The following TG variants were observed in gnomAD, a reference collection of about 807,000 sequenced individuals.
TG encodes thyroid hormones.
TG carries 270 observed loss-of-function variants against 324.7 expected under a neutral mutation model. The observed-to-expected ratio is 0.83, with a 90% CI of 0.75 to 0.92. The LOEUF is 0.92. Ranked by LOEUF, TG falls within the 40% of genes least tolerant of loss-of-function variation. The pLI is 0.00. For missense variants in TG, 3,591 were observed against 3,456.4 expected (o/e 1.04, Z -0.98); for synonymous variants, 1,401 against 1,327.0 (o/e 1.06, Z -1.21).
chr8:133,095,205 C>A lies in TG; in HGVS notation c.7401C>A (p.Thr2467=). The A allele has an allele frequency of 6.2e-7, 1 of 1,614,190 alleles. No individual in the cohort carries two copies. Among genetic ancestry groups the A allele is most frequent in the Non-Finnish European group, 8.5e-7 (1 of 1,180,014 alleles). ...CCAATGTCCTCAATGATGCCCAGAC[C>A]AAGGTGAGCACTTAAGTGCAAGTTG... The part of the protein sequence containing the change: ...KPANVLNDAQ[T]KLLAVSGPFH... The change falls in exon 42 of 48, where the codon ACC becomes ACA. Residue 2467 remains threonine (T), a synonymous_variant. Coordinates refer to ENST00000220616, the MANE Select transcript of TG (RefSeq NM_003235.5).
chr8:132,924,787 G>T (rs953422207), intron 22 of TG, among the ~76,000 whole-genome samples: 1 of 152,174 alleles, frequency 6.6e-6, no homozygotes, highest in African/African-American at 2.4e-5. Context: ...AGTTTCCCCC[G>T]TTGTAAGAGT....
rs578089248 is a variant in TG, at chr8:133,004,064, C to G, written c.6263-7837C>G. ...ATAGATAGTAGCACTCATTGCTAGT[C>G]TATCTGGTCACAGAGGAAAGAGGCT... On this transcript the variant is annotated intron_variant, in intron 35 of 47. Transcript: ENST00000220616. Among the ~76,000 whole-genome samples, 171 of 152,326 alleles carry G rather than the reference C, an allele frequency of 1.1e-3. 1 individual carries two copies. Among genetic ancestry groups the G allele is most frequent in the Non-Finnish European group, 2.2e-3 (149 of 68,032 alleles).
intron 16 of TG, among the ~76,000 whole-genome samples, chr8:132,903,832 T>C (rs1417118563): frequency 6.6e-6 from 1 of 152,250 alleles, no homozygotes; most frequent in Non-Finnish European, 1.5e-5. Context: ...TGGATGTCAG[T>C]GTCTCAATCT....
chr8:132,899,464 G>T (rs1587314390), intron 14 of TG, among the ~76,000 whole-genome samples: 1 of 152,180 alleles, frequency 6.6e-6, no homozygotes, highest in South Asian at 2.1e-4. Context: ...AAATAGGATG[G>T]TAGGAACACC....
At chr8:133,031,910 C>T (rs1185990550) in intron 41 of TG, among the ~76,000 whole-genome samples, 1 of 152,132 alleles carries the variant, frequency 6.6e-6, no homozygotes, top group Non-Finnish European at 1.5e-5. Flanking sequence ...AGAACTGAGC[C>T]CTCTTTATAT....
At chr8:133,031,923 C>A (rs1337429368) in intron 41 of TG, among the ~76,000 whole-genome samples, 1 of 152,180 alleles carries the variant, frequency 6.6e-6, no homozygotes, top group East Asian at 1.9e-4. Context: ...CTTTATATGG[C>A]TTGTGCTGCC....
intron 10 of TG, among the ~76,000 whole-genome samples, chr8:132,889,653 C>G (rs1172937526): frequency 6.6e-6 from 1 of 152,126 alleles, no homozygotes; most frequent in Non-Finnish European, 1.5e-5. Flanking sequence ...ATTCTCCATA[C>G]CAGTGGTCAG....
chr8:133,131,945 G>T lies in TG; in HGVS notation c.7996G>T (p.Gly2666Ter). The T allele has an allele frequency of 6.2e-7, 1 of 1,613,986 alleles. No individual in the cohort carries two copies. Among genetic ancestry groups the T allele is most frequent in the Non-Finnish European group, 8.5e-7 (1 of 1,179,994 alleles). ...MQYFSHFIRS[G>*]NPNYPYEFSR... is the part of the protein sequence containing the mutation. ...GTACTTTTCCCACTTCATCAGATCAGGGTAATTTTGGACCACTTGTTCAGA... is the reference window on the plus strand; with the variant it reads ...GTACTTTTCCCACTTCATCAGATCATGGTAATTTTGGACCACTTGTTCAGA... The change falls in exon 46 of 48, where the codon GGA becomes TGA. Residue 2666 changes from glycine (G) to a stop codon, truncating the protein, a stop_gained and splice_region_variant. Coordinates refer to ENST00000220616, the MANE Select transcript of TG (RefSeq NM_003235.5). LOFTEE classifies it high-confidence loss of function.
chr8:133,058,642 A>G (rs1042636279), intron 41 of TG, among the ~76,000 whole-genome samples: 1 of 152,136 alleles, frequency 6.6e-6, no homozygotes, highest in African/African-American at 2.4e-5. Context: ...GCTGTGGCCA[A>G]AGCCAGTTTG....
chr8:132,888,623 A>G (rs201365841), intron 10 of TG, 55 bp downstream of exon 10: 1,029 of 769,056 alleles, frequency 1.3e-3, no homozygotes, highest in Admixed American at 5.7e-3. Flanking sequence ...GTGTGTGTGT[A>G]TGTGTGTTTA....
intron 41 of TG, among the ~76,000 whole-genome samples, chr8:133,036,212 G>A (rs1221543181): frequency 6.6e-6 from 1 of 152,180 alleles, no homozygotes; most frequent in African/African-American, 2.4e-5. Context: ...TGGACCTGAA[G>A]GATGTCCTGC....
intron 24 of TG, among the ~76,000 whole-genome samples, chr8:132,935,255 C>G (rs994873178): frequency 1.2e-4 from 18 of 151,976 alleles, no homozygotes; most frequent in Non-Finnish European, 1.5e-5. Flanking sequence ...ATTCTCTCGC[C>G]TCAGCCTCCT....
chr8:133,004,034 G>A (rs769708127), intron 35 of TG, among the ~76,000 whole-genome samples: 2 of 152,190 alleles, frequency 1.3e-5, no homozygotes, highest in Non-Finnish European at 2.9e-5. Context: ...CTTCTTACCT[G>A]CTAAATAGAT....
intron 9 of TG, among the ~76,000 whole-genome samples, 185 bp from the exon 10 acceptor site, chr8:132,887,799 C>T (rs1815642031): frequency 6.6e-6 from 1 of 152,150 alleles, no homozygotes. Context: ...CAACTGATGT[C>T]AATGGTGCTG....
At chr8:132,884,678 A>G (rs1378791843) in intron 8 of TG, among the ~76,000 whole-genome samples, 2 of 152,224 alleles carry the variant, frequency 1.3e-5, no homozygotes, top group Non-Finnish European at 1.5e-5. Flanking sequence ...ATGCCATCCA[A>G]CTTCCAGGTG....
chr8:133,133,722 G>C, intron 47 of TG, 62 bp downstream of exon 47: 1 of 1,558,838 alleles, frequency 6.4e-7, no homozygotes, highest in African/African-American at 1.4e-5. Context: ...TGCTGTGCTC[G>C]CTGCATGAGA....
At chr8:132,893,972 A>G (rs747528200) in intron 11 of TG, 43 bp downstream of exon 11, 9 of 1,613,776 alleles carry the variant, frequency 5.6e-6, no homozygotes. Context: ...ATCGCTTTGG[A>G]AAAGCAGGAG....
At chr8:133,056,744 C>T (rs973224135) in intron 41 of TG, among the ~76,000 whole-genome samples, 1 of 152,258 alleles carries the variant, frequency 6.6e-6, no homozygotes, top group Non-Finnish European at 1.5e-5. Context: ...GAGCACCAAG[C>T]GGCTCTAATC....
chr8:133,101,169 C>CCCCT, intron 43 of TG, among the ~76,000 whole-genome samples: 2 of 151,822 alleles, frequency 1.3e-5, no homozygotes, highest in Non-Finnish European at 2.9e-5. Context: ...ACCTTACCCC[C>CCCCT]ACCATACGCA....
Sources: allele counts gnomAD v4.1 joint callset (sites outside exome capture counted in the v4.1 genomes callset), GRCh38; gene constraint gnomAD v4.1.1; transcripts MANE v1.5; gene names NCBI Gene and HGNC (gene_info 2026-07-23, HGNC 2026-07-21).